The following MGAT5 variants were observed in gnomAD, a reference collection of about 807,000 sequenced individuals.
The protein encoded by MGAT5 is alpha-1,6-mannosylglycoprotein 6-beta-N-acetylglucosaminyltransferase, also known as alpha-1,6-mannosylglycoprotein 6-beta-N-acetylglucosaminyltransferase A.
In MGAT5, 30 loss-of-function variants were observed where a neutral mutation model predicts 94.3. That is an observed-to-expected ratio of 0.32 (90% CI 0.24 to 0.43). The LOEUF is 0.43. MGAT5 is among the 20% of genes least tolerant of loss of function. The probability of loss-of-function intolerance (pLI) is 1.00; values close to 1 mark genes in which losing one functional copy is unlikely to be tolerated. For synonymous variants in MGAT5, 310 were observed against 322.9 expected, an observed-to-expected ratio of 0.96 and a Z score of 0.43; for missense variants, 691 against 905.5, an observed-to-expected ratio of 0.76 and a Z score of 3.04.
chr2:134,304,866 G>A (rs1686236855), intron 2 of MGAT5, among the ~76,000 whole-genome samples: 1 of 152,152 alleles, frequency 6.6e-6, no homozygotes, highest in Admixed American at 6.5e-5. Flanking sequence ...ATGCACTACT[G>A]CACCTGGCAC....
At chr2:134,234,471 G>A (rs1258486766) in intron 1 of MGAT5, among the ~76,000 whole-genome samples, 1 of 152,186 alleles carries the variant, frequency 6.6e-6, no homozygotes, top group Non-Finnish European at 1.5e-5. Flanking sequence ...TAAGACTATG[G>A]GGGTCCATAC....
chr2:134,184,021 C>G (rs985475849), intron 1 of MGAT5, among the ~76,000 whole-genome samples: 1 of 152,240 alleles, frequency 6.6e-6, no homozygotes, highest in African/African-American at 2.4e-5. Flanking sequence ...AAGCCTTTCT[C>G]TTTTTTAATT....
chr2:134,334,524 G>A (rs561129349), intron 4 of MGAT5, among the ~76,000 whole-genome samples: 1 of 34,924 alleles, frequency 2.9e-5, no homozygotes, highest in East Asian at 1.3e-3. Flanking sequence ...TTTTTTGCAG[G>A]GTTGGGGGTG....
intron 14 of MGAT5, 34 bp downstream of exon 14, chr2:134,428,473 G>A (rs1352901259): frequency 6.3e-7 from 1 of 1,582,528 alleles, no homozygotes; most frequent in Non-Finnish European, 8.7e-7. Context: ...TGTCTTTGCT[G>A]TGTACTGCTT....
chr2:134,336,091 T>G (rs1394860002), intron 4 of MGAT5, 126 bp from the exon 5 acceptor site: 7 of 697,652 alleles, frequency 1.0e-5, no homozygotes, highest in Non-Finnish European at 1.6e-5. Flanking sequence ...GGAATTTGGC[T>G]AATAATAAAA....
At chr2:134,166,520 A>G (rs1687971015) in intron 1 of MGAT5, among the ~76,000 whole-genome samples, 1 of 152,342 alleles carries the variant, frequency 6.6e-6, no homozygotes, top group South Asian at 2.1e-4. Context: ...TCGATTTAGT[A>G]TATTACAAGA....
chr2:134,444,919 C>A (rs1685688602), intron 15 of MGAT5, among the ~76,000 whole-genome samples: 1 of 152,168 alleles, frequency 6.6e-6, no homozygotes, highest in Non-Finnish European at 1.5e-5. Context: ...CTGGACAAGT[C>A]TCCTCCCAGA....
intron 1 of MGAT5, among the ~76,000 whole-genome samples, chr2:134,216,710 G>T (rs2105336243): frequency 1.3e-5 from 2 of 152,330 alleles, no homozygotes; most frequent in Admixed American, 1.3e-4. Flanking sequence ...GATGAATTTG[G>T]TATCAATTTT....
At chr2:134,394,245 A>G (rs1452734149) in intron 10 of MGAT5, among the ~76,000 whole-genome samples, 2 of 152,250 alleles carry the variant, frequency 1.3e-5, no homozygotes, top group Admixed American at 6.5e-5. Context: ...GGAAATTACA[A>G]GAAAGCAATT....
intron 12 of MGAT5, among the ~76,000 whole-genome samples, chr2:134,418,642 T>C (rs75863688): frequency 3.0e-4 from 46 of 152,224 alleles, no homozygotes; most frequent in African/African-American, 1.1e-3. Context: ...AATAGCTAAG[T>C]GAATTCAGGA....
chr2:134,384,686 G>GA (rs1681860801), intron 10 of MGAT5, among the ~76,000 whole-genome samples: 2 of 152,272 alleles, frequency 1.3e-5, no homozygotes, highest in Admixed American at 1.3e-4. Context: ...CTGCATTTCT[G>GA]AAAAATCTTG....
chr2:134,169,514 A>G (rs2105106611), intron 1 of MGAT5, among the ~76,000 whole-genome samples: 1 of 152,330 alleles, frequency 6.6e-6, no homozygotes, highest in Non-Finnish European at 1.5e-5. Flanking sequence ...TAATTAAGAA[A>G]GGGAAGAAAA....
chr2:134,136,210 CTAGATAG>C (rs899348515), intron 1 of MGAT5, among the ~76,000 whole-genome samples: 1 of 152,016 alleles, frequency 6.6e-6, no homozygotes, highest in Admixed American at 6.6e-5. Context: ...GCACCTGTTG[CTAGATAG>C]TATTATTTAA....
chr2:134,428,492 G>T (rs1275936324), intron 14 of MGAT5, 53 bp downstream of exon 14: 1 of 1,494,650 alleles, frequency 6.7e-7, no homozygotes, highest in Non-Finnish European at 9.3e-7. Flanking sequence ...TTCCTGTGAC[G>T]CCATAGGGCT....
In MGAT5 at chr2:134,406,023, G is replaced by A. The variant is rs557879976; in HGVS notation, c.1530+2886G>A. ...AATTATTTATCACAGGACCACAGCC[G>A]AGTCATTCAGTCCAGCAAACCCCAG... On this transcript the variant is annotated intron_variant, in intron 11 of 15. Coordinates refer to ENST00000281923, the MANE Select transcript of MGAT5 (RefSeq NM_002410.5). Among the ~76,000 whole-genome samples the A allele has an allele frequency of 5.3e-5, 8 of 152,352 alleles. No homozygotes were observed. The East Asian group carries it at 9.6e-4, about 18-fold the overall frequency.
At chr2:134,367,555 T>C (rs899053948) in intron 10 of MGAT5, among the ~76,000 whole-genome samples, 5 of 152,386 alleles carry the variant, frequency 3.3e-5, no homozygotes, top group Admixed American at 6.5e-5. Context: ...ACTTACTCTC[T>C]GGCCTTTTCT....
chr2:134,387,322 A>T (rs867387513), intron 10 of MGAT5, among the ~76,000 whole-genome samples: 2 of 48,950 alleles, frequency 4.1e-5, no homozygotes, highest in African/African-American at 1.9e-4. Flanking sequence ...ATATATATAT[A>T]TATATATATA....
intron 1 of MGAT5, among the ~76,000 whole-genome samples, chr2:134,217,855 T>C (rs1455943887): frequency 6.6e-6 from 1 of 152,196 alleles, no homozygotes; most frequent in Non-Finnish European, 1.5e-5. Context: ...GTGAGTACAG[T>C]ACTAGATGTT....
chr2:134,258,896 A>ATGCCTCTCACC (rs1683148420), intron 1 of MGAT5, among the ~76,000 whole-genome samples: 1 of 152,206 alleles, frequency 6.6e-6, no homozygotes, highest in Non-Finnish European at 1.5e-5. Flanking sequence ...AGACATGAGC[A>ATGCCTCTCACC]AAGTGCTGTG....
Sources: allele counts gnomAD v4.1 joint callset (sites outside exome capture counted in the v4.1 genomes callset), GRCh38; gene constraint gnomAD v4.1.1; transcripts MANE v1.5; gene names NCBI Gene and HGNC (gene_info 2026-07-23, HGNC 2026-07-21).